STPG2: variants seen among roughly 807,000 people sequenced by gnomAD.
STPG2 encodes sperm-tail PG-rich repeat-containing protein 2.
In STPG2, 56 loss-of-function variants were observed where a neutral mutation model predicts 54.2. The ratio of observed to expected loss-of-function variants is 1.03; its 90% CI spans 0.83 to 1.29. STPG2 has a LOEUF of 1.29. Ranked by LOEUF, STPG2 falls within the 50% of genes most tolerant of loss-of-function variation. The pLI is 0.00. For synonymous variants in STPG2, 200 were observed against 181.8 expected, an observed-to-expected ratio of 1.10 and a Z score of -0.81; for missense variants, 596 against 544.9, an observed-to-expected ratio of 1.09 and a Z score of -0.93.
intron 10 of STPG2, among the ~76,000 whole-genome samples, chr4:97,641,418 G>A (rs1721760037): frequency 7.0e-6 from 1 of 142,296 alleles, no homozygotes; most frequent in Non-Finnish European, 1.5e-5. Flanking sequence ...TAGCACTTAT[G>A]TATACTCATG....
chr4:97,585,924 G>A (rs560981621), intron 10 of STPG2, among the ~76,000 whole-genome samples: 1 of 151,774 alleles, frequency 6.6e-6, no homozygotes, highest in South Asian at 2.1e-4. Context: ...AAAAATAGAT[G>A]AAATGTCTAA....
chr4:98,023,672 T>C, intron 5 of STPG2, among the ~76,000 whole-genome samples: 1 of 152,188 alleles, frequency 6.6e-6, no homozygotes, highest in Non-Finnish European at 1.5e-5. Context: ...TGAGCTGTGG[T>C]GGGCTCCACC....
intron 9 of STPG2, among the ~76,000 whole-genome samples, chr4:97,729,348 TC>T (rs1014171362): frequency 2.0e-5 from 3 of 152,158 alleles, no homozygotes; most frequent in African/African-American, 7.2e-5. Context: ...ATTCTTTAAT[TC>T]CCATGAATAA....
chr4:97,570,148 A>G (rs973753695), intron 10 of STPG2, among the ~76,000 whole-genome samples: 1 of 152,162 alleles, frequency 6.6e-6, no homozygotes, highest in Non-Finnish European at 1.5e-5. Context: ...AATGCAGTAT[A>G]AGATCCTGGA....
intron 9 of STPG2, among the ~76,000 whole-genome samples, chr4:97,762,565 T>C (rs903366497): frequency 6.6e-6 from 1 of 152,128 alleles, no homozygotes; most frequent in African/African-American, 2.4e-5. Flanking sequence ...ATGGGACACA[T>C]GTAGCTAAAA....
At chr4:97,562,658 T>A (rs1302139458) in intron 10 of STPG2, among the ~76,000 whole-genome samples, 2 of 152,228 alleles carry the variant, frequency 1.3e-5, no homozygotes, top group Non-Finnish European at 2.9e-5. Flanking sequence ...TGAAGGGTTG[T>A]TGAATTTTGT....
intron 8 of STPG2, among the ~76,000 whole-genome samples, chr4:97,936,878 G>T (rs922698942): frequency 2.6e-5 from 4 of 152,130 alleles, no homozygotes; most frequent in Admixed American, 1.3e-4. Context: ...TACTCATGGA[G>T]TATGTTATTG....
At chr4:98,090,992 C>A (rs1025120290) in intron 5 of STPG2, among the ~76,000 whole-genome samples, 3 of 142,052 alleles carry the variant, frequency 2.1e-5, no homozygotes, top group African/African-American at 7.9e-5. Context: ...CACACACACA[C>A]AAAATGTCAC....
intron 8 of STPG2, among the ~76,000 whole-genome samples, chr4:97,888,903 C>A (rs1730672798): frequency 6.6e-6 from 1 of 152,072 alleles, no homozygotes; most frequent in Admixed American, 6.6e-5. Flanking sequence ...AAAGTTCTCA[C>A]AAGTTACAGT....
chr4:97,999,274 G>A (rs983194376), intron 5 of STPG2, among the ~76,000 whole-genome samples: 1 of 152,192 alleles, frequency 6.6e-6, no homozygotes, highest in Non-Finnish European at 1.5e-5. Flanking sequence ...CTTGCAAGTG[G>A]TTGGGACAGA....
intron 7 of STPG2, among the ~76,000 whole-genome samples, chr4:97,951,648 C>T (rs922109488): frequency 1.3e-5 from 2 of 152,108 alleles, no homozygotes; most frequent in East Asian, 1.9e-4. Context: ...AGATGCTTCT[C>T]GGTAGCAACA....
At position 98,109,234 on chromosome 4, in the gene STPG2, AG is replaced by A; in HGVS notation, c.458del (p.Pro153LeufsTer13). 1 of 1,611,294 alleles carries A rather than the reference AG, an allele frequency of 6.2e-7. No individual in the cohort carries two copies. Among genetic ancestry groups the A allele is most frequent in the Non-Finnish European group, 8.5e-7 (1 of 1,178,438 alleles). ...FGNSSGRQEL[P>X]KKSGPGPGQY... ...GTCCTGGACCAGGACCTGACTTTTT[AG>A]GTAACTCTTGTCTTCCTGAAGAGTT... is the stretch of plus-strand genomic sequence containing the variant. On this transcript the variant is annotated frameshift_variant, in exon 4 of 11. Transcript: ENST00000295268. LOFTEE classifies it high-confidence loss of function.
chr4:97,888,719 A>G (rs1730667741), intron 8 of STPG2, among the ~76,000 whole-genome samples: 1 of 152,126 alleles, frequency 6.6e-6, no homozygotes, highest in African/African-American at 2.4e-5. Context: ...GTACATTGCA[A>G]TGTGAGAAGA....
chr4:97,691,377 G>C (rs1723358384), intron 10 of STPG2, among the ~76,000 whole-genome samples: 1 of 152,122 alleles, frequency 6.6e-6, no homozygotes, highest in Admixed American at 6.5e-5. Context: ...GGCTGCGTGG[G>C]AGCTGGGTGA....
chr4:98,033,946 G>A (rs567557771), intron 5 of STPG2, among the ~76,000 whole-genome samples: 17 of 152,064 alleles, frequency 1.1e-4, no homozygotes, highest in African/African-American at 3.6e-4. Context: ...TCGATGGAAC[G>A]CATCTCAAAA....
intron 8 of STPG2, among the ~76,000 whole-genome samples, chr4:97,904,700 A>C (rs1731331541): frequency 6.6e-6 from 1 of 152,210 alleles, no homozygotes; most frequent in Non-Finnish European, 1.5e-5. Context: ...AAGAAGTTGA[A>C]AACTTTGAAA....
chr4:97,726,158 G>C (rs1724618860), intron 9 of STPG2, among the ~76,000 whole-genome samples: 1 of 151,840 alleles, frequency 6.6e-6, no homozygotes, highest in Admixed American at 6.6e-5. Flanking sequence ...TCTCCAGAGG[G>C]GTTGAAACTT....
chr4:97,542,787 G>C (rs1560652369), intron 4 of STPG2, among the ~76,000 whole-genome samples: 1 of 151,976 alleles, frequency 6.6e-6, no homozygotes. Flanking sequence ...ATACTATGCA[G>C]CCATAAAAAA....
At chr4:97,554,946 A>ATTT (rs1384987110), downstream of STPG2, among the ~76,000 whole-genome samples, 4 of 152,282 alleles carry the variant, frequency 2.6e-5, no homozygotes, top group East Asian at 7.8e-4. Context: ...TGAGCTGGTT[A>ATTT]TTTTGAGAAG....
Sources: gnomAD v4.1 joint callset for allele counts (sites outside exome capture counted in the v4.1 genomes callset) on GRCh38, gnomAD v4.1.1 for gene constraint, MANE v1.5 for transcripts, NCBI Gene and HGNC (gene_info 2026-07-23, HGNC 2026-07-21) for gene names.